The following PLA2G12A variants were observed in gnomAD, a reference collection of about 807,000 sequenced individuals.
PLA2G12A encodes phospholipase A2 group XIIA.
Under a neutral mutation model 16.0 loss-of-function variants are expected in PLA2G12A, and 11 were observed. That is an observed-to-expected ratio of 0.69 (90% CI 0.43 to 1.13). The LOEUF is 1.13. Among genes scored for constraint, PLA2G12A ranks in the 50% most tolerant of loss-of-function variants. The probability of loss-of-function intolerance (pLI) is 0.00; values close to 1 mark genes in which losing one functional copy is unlikely to be tolerated. For synonymous variants in PLA2G12A, 77 were observed against 93.8 expected (o/e 0.82, Z 1.03); for missense variants, 214 against 237.3 (o/e 0.90, Z 0.65).
chr4:109,728,511 G>A (rs928009327), intron 1 of PLA2G12A, among the ~76,000 whole-genome samples: 5 of 152,216 alleles, frequency 3.3e-5, no homozygotes, highest in Admixed American at 1.3e-4. Flanking sequence ...CGTTTAGGTG[G>A]TAACGTTTAG....
intron 3 of PLA2G12A, 95 bp from the exon 4 acceptor site, chr4:109,714,590 T>C (rs1174218126): frequency 3.7e-6 from 3 of 803,372 alleles, no homozygotes; most frequent in Non-Finnish European, 6.5e-6. Flanking sequence ...ATATCCCTCG[T>C]GAGCACTGAA....
At chr4:109,718,627 A>C in intron 2 of PLA2G12A, 56 bp downstream of exon 2, 1 of 1,332,288 alleles carries the variant, frequency 7.5e-7, no homozygotes, top group Non-Finnish European at 1.1e-6. Context: ...TATATCACCA[A>C]AAGTATTACA....
intron 1 of PLA2G12A, among the ~76,000 whole-genome samples, chr4:109,721,943 C>T (rs1160725672): frequency 6.6e-6 from 1 of 152,156 alleles, no homozygotes; most frequent in Non-Finnish European, 1.5e-5. Context: ...AATCCTGCTC[C>T]AAGCCACAAT....
rs1358255665 is a variant in PLA2G12A, at chr4:109,720,594, AAAAAAAAAAAATATATATATATATAT to A, written c.209-1861_209-1836del. On this transcript the variant is annotated intron_variant, in intron 1 of 3. Transcript: ENST00000243501. The stretch of plus-strand genomic sequence containing the variant: ...GTATTCAAAAAAAAAAAAAAAAAAA[AAAAAAAAAAAATATATATATATATAT>A]ATATATATATATATATATATATATG... 7.3e-3 allele frequency among the ~76,000 whole-genome samples: 215 copies of A among 29,540 alleles called. 7 individuals carry two copies. Among genetic ancestry groups the A allele is most frequent in the African/African-American group, 0.031 (199 of 6,510 alleles). 19.4% of individuals were successfully genotyped at this position (29,540 alleles called of 152,430 possible).
At position 109,710,936 on chromosome 4, in the gene PLA2G12A, T is replaced by C. The variant is rs2126165319; in HGVS notation, c.*3441A>G. 6.6e-6 allele frequency: 1 copy of C among 152,148 alleles called. No homozygotes were observed. Among genetic ancestry groups the C allele is most frequent in the African/African-American group, 2.4e-5 (1 of 41,500 alleles). 9.4% of individuals were successfully genotyped at this position (152,148 alleles called of 1,614,324 possible). A position where few individuals can be genotyped will look rare whatever the true frequency, so the allele number is the denominator to read the frequency against. On this transcript the variant is annotated 3_prime_UTR_variant, in exon 4 of 4. Coordinates refer to ENST00000243501, the MANE Select transcript of PLA2G12A (RefSeq NM_030821.5). ...TATGAAATAAATACAGCCATATCTG[T>C]CCCTGGAAGAACTATGTCAAAAGAT...
At chr4:109,715,099 C>G (rs1208157004) in intron 3 of PLA2G12A, among the ~76,000 whole-genome samples, 3 of 152,084 alleles carry the variant, frequency 2.0e-5, no homozygotes, top group Non-Finnish European at 4.4e-5. Flanking sequence ...GCGTGGGCCA[C>G]CATGCCTGGC....
At chr4:109,728,851 T>C (rs1162256507) in intron 1 of PLA2G12A, among the ~76,000 whole-genome samples, 1 of 152,206 alleles carries the variant, frequency 6.6e-6, no homozygotes, top group Non-Finnish European at 1.5e-5. Context: ...CCAATATTTT[T>C]CTGACCTATT....
intron 2 of PLA2G12A, among the ~76,000 whole-genome samples, chr4:109,718,447 A>C (rs1730866170): frequency 6.6e-6 from 1 of 152,244 alleles, no homozygotes; most frequent in African/African-American, 2.4e-5. Flanking sequence ...TCAACTATGT[A>C]TGTGATATTG....
intron 1 of PLA2G12A, among the ~76,000 whole-genome samples, chr4:109,719,965 G>C (rs1730894226): frequency 6.6e-6 from 1 of 152,148 alleles, no homozygotes; most frequent in South Asian, 2.1e-4. Flanking sequence ...ACATTAAAAT[G>C]AAGTATGCTT....
In PLA2G12A at chr4:109,711,053, C is replaced by CTTTTTTTTT. The variant is rs67674001; in HGVS notation, c.*3315_*3323dup. On this transcript the variant is annotated 3_prime_UTR_variant, in exon 4 of 4. Coordinates refer to ENST00000243501, the MANE Select transcript of PLA2G12A (RefSeq NM_030821.5). Reference sequence around the variant, plus strand: ...AGAGCTGCTGACAGTTAGTTCTTGCCTTTTTTTTTTTTTTTTTTTTTTTGC... The same window carrying CTTTTTTTTT: ...AGAGCTGCTGACAGTTAGTTCTTGCCTTTTTTTTTTTTTTTTTTTTTTTTTTTTTTTTGC... 4.7e-4 allele frequency: 27 copies of CTTTTTTTTT among 57,232 alleles called. No individual in the cohort carries two copies. The highest frequency in any genetic ancestry group is 1.1e-3 in the African/African-American group (13 of 11,918). 3.5% of individuals were successfully genotyped at this position (57,232 alleles called of 1,614,324 possible). A position where few individuals can be genotyped will look rare whatever the true frequency, so the allele number is the denominator to read the frequency against.
At chr4:109,715,854 C>T (rs1318100548) in intron 3 of PLA2G12A, among the ~76,000 whole-genome samples, 1 of 152,184 alleles carries the variant, frequency 6.6e-6, no homozygotes, top group African/African-American at 2.4e-5. Flanking sequence ...CCTGAAACAT[C>T]CAGGTGAGAT....
chr4:109,728,993 G>A (rs1057397294), intron 1 of PLA2G12A, among the ~76,000 whole-genome samples: 10 of 152,170 alleles, frequency 6.6e-5, no homozygotes, highest in Admixed American at 2.0e-4. Context: ...TATTAAAAGA[G>A]TAAATGAAGA....
intron 2 of PLA2G12A, 123 bp from the exon 3 acceptor site, chr4:109,717,836 A>G (rs1730855468): frequency 1.1e-6 from 1 of 933,520 alleles, no homozygotes; most frequent in Admixed American, 2.5e-5. Context: ...TCCAAAATCC[A>G]TTTCTGCCTA....
intron 3 of PLA2G12A, among the ~76,000 whole-genome samples, chr4:109,716,027 C>A (rs1338008179): frequency 1.3e-5 from 2 of 152,182 alleles, no homozygotes; most frequent in African/African-American, 4.8e-5. Context: ...AAACAACCAA[C>A]CACAGAAGTG....
chr4:109,719,639 A>G (rs1730886895), intron 1 of PLA2G12A, among the ~76,000 whole-genome samples: 1 of 152,230 alleles, frequency 6.6e-6, no homozygotes. Flanking sequence ...TCATCACAAT[A>G]AAGCCAATAT....
intron 1 of PLA2G12A, among the ~76,000 whole-genome samples, chr4:109,725,051 T>C (rs1722903126): frequency 6.6e-6 from 1 of 152,192 alleles, no homozygotes; most frequent in African/African-American, 2.4e-5. Context: ...CCTCTCTTTC[T>C]AGCATTTATT....
intron 3 of PLA2G12A, among the ~76,000 whole-genome samples, chr4:109,714,997 T>C (rs2126166264): frequency 6.6e-6 from 1 of 152,254 alleles, no homozygotes; most frequent in East Asian, 1.9e-4. Flanking sequence ...TTTTAGTAGA[T>C]ATGAGGTCTC....
intron 1 of PLA2G12A, among the ~76,000 whole-genome samples, chr4:109,725,891 T>A (rs1461863013): frequency 6.6e-6 from 1 of 152,208 alleles, no homozygotes; most frequent in Non-Finnish European, 1.5e-5. Flanking sequence ...CACTTGAGAC[T>A]TTAAGTATTC....
At position 109,713,846 on chromosome 4, in the gene PLA2G12A, G is replaced by T. The variant is rs1242684673; in HGVS notation, c.*531C>A. 6.5e-6 allele frequency: 1 copy of T among 153,158 alleles called. No homozygotes were observed. The highest frequency in any genetic ancestry group is 2.4e-5 in the African/African-American group (1 of 41,274). 9.5% of individuals were successfully genotyped at this position (153,158 alleles called of 1,614,324 possible). A position where few individuals can be genotyped will look rare whatever the true frequency, so the allele number is the denominator to read the frequency against. ...ACTCATATGCTCAACGGGCTACAGA[G>T]AAACAACATATTATGTTGTACTTTA... On this transcript the variant is annotated 3_prime_UTR_variant, in exon 4 of 4. Transcript: ENST00000243501.
Sources: allele counts gnomAD v4.1 joint callset (sites outside exome capture counted in the v4.1 genomes callset), GRCh38; gene constraint gnomAD v4.1.1; transcripts MANE v1.5; gene names NCBI Gene and HGNC (gene_info 2026-07-23, HGNC 2026-07-21).